Variants in LRRTM4 observed in about 807,000 individuals in gnomAD.
LRRTM4 encodes the protein leucine rich repeat transmembrane neuronal 4.
A neutral mutation model predicts 47.6 loss-of-function variants in LRRTM4; 25 were observed. The observed-to-expected ratio is 0.53, with a 90% CI of 0.38 to 0.73. The LOEUF is 0.73. Ranked by LOEUF, LRRTM4 falls within the 30% of genes least tolerant of loss-of-function variation. The pLI, the probability that LRRTM4 is intolerant of heterozygous loss-of-function variation, is 0.00. For synonymous variants in LRRTM4, 311 were observed against 269.5 expected, an observed-to-expected ratio of 1.15 and a Z score of -1.51; for missense variants, 638 against 713.4, an observed-to-expected ratio of 0.89 and a Z score of 1.20.
intron 3 of LRRTM4, among the ~76,000 whole-genome samples, chr2:77,439,417 A>T (rs2103924774): frequency 6.6e-6 from 1 of 152,284 alleles, no homozygotes; most frequent in East Asian, 1.9e-4. Context: ...CTTTATAAAA[A>T]ATTCAAATAG....
At chr2:76,923,496 T>G (rs904749699) in intron 3 of LRRTM4, among the ~76,000 whole-genome samples, 6 of 152,072 alleles carry the variant, frequency 3.9e-5, no homozygotes, top group African/African-American at 1.4e-4. Context: ...TGGGTCCTTT[T>G]TCATTTCTGT....
chr2:76,807,471 C>CATATAT (rs1553412706), intron 3 of LRRTM4, among the ~76,000 whole-genome samples: 5 of 97,456 alleles, frequency 5.1e-5, no homozygotes, highest in African/African-American at 2.2e-4. Context: ...TATATATATA[C>CATATAT]ATATATATAT....
intron 3 of LRRTM4, among the ~76,000 whole-genome samples, chr2:77,345,833 T>C (rs746084138): frequency 2.5e-4 from 38 of 151,778 alleles, no homozygotes; most frequent in Non-Finnish European, 4.6e-4. Flanking sequence ...TATATATATG[T>C]GTGTGTATAT....
chr2:77,054,312 T>C lies in LRRTM4; in HGVS notation c.1552-305396A>G, dbSNP rs763183887. On this transcript the variant is annotated intron_variant, in intron 3 of 3. Coordinates refer to ENST00000409884, the MANE Select transcript of LRRTM4 (RefSeq NM_001134745.3). ...ATTGGTTGAAAATTACATTGTACAT[T>C]GTTCAAAACTACAAATGAATAAAAT... Among the ~76,000 whole-genome samples, 7 of 151,774 alleles carry C rather than the reference T, an allele frequency of 4.6e-5. No homozygotes were observed. The South Asian group carries it at 8.3e-4, about 18-fold the overall frequency.
intron 3 of LRRTM4, among the ~76,000 whole-genome samples, chr2:77,165,307 T>G (rs1318660415): frequency 6.6e-6 from 1 of 152,106 alleles, no homozygotes; most frequent in Non-Finnish European, 1.5e-5. Flanking sequence ...GCTCTGAAAT[T>G]GAGGCAATAA....
In LRRTM4 at chr2:76,886,608, A is replaced by G. The variant is rs148588624; in HGVS notation, c.1552-137692T>C. Reference sequence around the variant, plus strand: ...GAAAATCCAAGCGAAGAAATTGAGAAATCAGTAGACTTAATAAGAGCATTT... The same window carrying G: ...GAAAATCCAAGCGAAGAAATTGAGAGATCAGTAGACTTAATAAGAGCATTT... On this transcript the variant is annotated intron_variant, in intron 3 of 3. Coordinates refer to ENST00000409884, the MANE Select transcript of LRRTM4 (RefSeq NM_001134745.3). 5.1e-3 allele frequency among the ~76,000 whole-genome samples: 773 copies of G among 152,226 alleles called. 9 individuals carry two copies. The highest frequency in any genetic ancestry group is 0.018 in the African/African-American group (738 of 41,570).
At chr2:77,105,855 T>G (rs1671080558) in intron 3 of LRRTM4, among the ~76,000 whole-genome samples, 1 of 152,320 alleles carries the variant, frequency 6.6e-6, no homozygotes, top group South Asian at 2.1e-4. Flanking sequence ...TTGAACATGC[T>G]TGAAATCTTA....
At chr2:76,790,393 G>A (rs143471762) in intron 3 of LRRTM4, among the ~76,000 whole-genome samples, 59 of 152,140 alleles carry the variant, frequency 3.9e-4, no homozygotes, top group Admixed American at 3.8e-3. Flanking sequence ...ATCTTGATTA[G>A]GAACTAATTC....
intron 3 of LRRTM4, among the ~76,000 whole-genome samples, chr2:77,052,150 C>CTTTTTTTTTTTTTTT (rs70939841): frequency 3.1e-5 from 2 of 63,598 alleles, no homozygotes; most frequent in African/African-American, 1.4e-4. Flanking sequence ...GTTACATTTC[C>CTTTTTTTTTTTTTTT]TTTTTTTTTT....
chr2:76,940,981 A>G (rs926752238), intron 3 of LRRTM4, among the ~76,000 whole-genome samples: 1 of 152,174 alleles, frequency 6.6e-6, no homozygotes, highest in Admixed American at 6.5e-5. Flanking sequence ...CAGAATTTAC[A>G]TTAATTTTCA....
intron 3 of LRRTM4, among the ~76,000 whole-genome samples, chr2:77,272,284 T>A (rs1371187675): frequency 6.6e-6 from 1 of 152,154 alleles, no homozygotes; most frequent in Non-Finnish European, 1.5e-5. Context: ...GGCACTTTAA[T>A]AAGGATGTCA....
chr2:77,277,096 A>T (rs779562707), intron 3 of LRRTM4, among the ~76,000 whole-genome samples: 3 of 151,902 alleles, frequency 2.0e-5, no homozygotes, highest in Non-Finnish European at 2.9e-5. Context: ...GGGCAGAGGG[A>T]ACAACTCAAT....
intron 3 of LRRTM4, among the ~76,000 whole-genome samples, chr2:77,028,879 C>T (rs1002879053): frequency 9.3e-5 from 14 of 151,022 alleles, no homozygotes; most frequent in Non-Finnish European, 1.9e-4. Flanking sequence ...ACTAAAAATA[C>T]AAAAAATTAG....
intron 3 of LRRTM4, among the ~76,000 whole-genome samples, chr2:77,335,548 G>C (rs866085421): frequency 6.6e-6 from 1 of 152,128 alleles, no homozygotes; most frequent in African/African-American, 2.4e-5. Flanking sequence ...TACTATTTAA[G>C]CTGAACCTTG....
chr2:77,066,305 T>C (rs545848352), intron 3 of LRRTM4, among the ~76,000 whole-genome samples: 1 of 152,338 alleles, frequency 6.6e-6, no homozygotes, highest in East Asian at 1.9e-4. Flanking sequence ...ACTGAGTCTG[T>C]TGTATTAAGT....
At chr2:76,794,821 A>T (rs1040980266) in intron 3 of LRRTM4, among the ~76,000 whole-genome samples, 3 of 152,150 alleles carry the variant, frequency 2.0e-5, no homozygotes, top group African/African-American at 7.2e-5. Flanking sequence ...CCCAAGTCAG[A>T]CAATGAAACT....
intron 3 of LRRTM4, among the ~76,000 whole-genome samples, chr2:77,290,873 G>A (rs571381140): frequency 3.3e-5 from 5 of 151,988 alleles, no homozygotes; most frequent in Admixed American, 1.3e-4. Flanking sequence ...GCGCTTTTCC[G>A]AGTTGCATCA....
intron 3 of LRRTM4, among the ~76,000 whole-genome samples, chr2:76,901,469 T>G (rs1673629639): frequency 6.6e-6 from 1 of 151,544 alleles, no homozygotes; most frequent in African/African-American, 2.4e-5. Flanking sequence ...GGGACCACTG[T>G]GACTTAGACA....
intron 3 of LRRTM4, among the ~76,000 whole-genome samples, chr2:76,924,571 C>T (rs2103816686): frequency 6.6e-6 from 1 of 151,402 alleles, no homozygotes; most frequent in East Asian, 1.9e-4. Flanking sequence ...TAAATACATA[C>T]AGTTCACTCT....
Sources: allele counts gnomAD v4.1 joint callset (sites outside exome capture counted in the v4.1 genomes callset), GRCh38; gene constraint gnomAD v4.1.1; transcripts MANE v1.5; gene names NCBI Gene and HGNC (gene_info 2026-07-23, HGNC 2026-07-21).